TRERF1: variants seen among roughly 807,000 people sequenced by gnomAD.
TRERF1 encodes the protein transcriptional regulating factor 1, also known as transcriptional-regulating factor 1.
Under a neutral mutation model 122.9 loss-of-function variants are expected in TRERF1, and 27 were observed. That is an observed-to-expected ratio of 0.22 (90% CI 0.16 to 0.30). TRERF1 has a LOEUF of 0.30. Among genes scored for constraint, TRERF1 ranks in the 10% least tolerant of loss-of-function variants. The pLI, the probability that TRERF1 is intolerant of heterozygous loss-of-function variation, is 1.00. For synonymous variants in TRERF1, 636 were observed against 641.7 expected (o/e 0.99, Z 0.13); for missense variants, 1,248 against 1,560.3 (o/e 0.80, Z 3.37).
intron 12 of TRERF1, among the ~76,000 whole-genome samples, chr6:42,255,500 G>A (rs1395723477): frequency 2.0e-5 from 3 of 152,222 alleles, no homozygotes; most frequent in Non-Finnish European, 4.4e-5. Context: ...TCTAAGTGTG[G>A]TCCATAGAAC....
At chr6:42,399,428 G>A (rs562309022) in intron 2 of TRERF1, among the ~76,000 whole-genome samples, 30 of 152,204 alleles carry the variant, frequency 2.0e-4, no homozygotes, top group Admixed American at 3.3e-4. Flanking sequence ...ACTACCAAGC[G>A]AGGGACCTGG....
chr6:42,296,504 C>T (rs537034198), intron 4 of TRERF1, among the ~76,000 whole-genome samples: 1 of 152,300 alleles, frequency 6.6e-6, no homozygotes, highest in East Asian at 1.9e-4. Context: ...TCATTAAGTC[C>T]TTGAATAGCT....
intron 2 of TRERF1, among the ~76,000 whole-genome samples, chr6:42,405,858 A>G (rs76161235): frequency 0.016 from 2,405 of 152,090 alleles, 90 homozygotes; most frequent in East Asian, 0.15. Context: ...GCAGAAGATC[A>G]AGACAGAGAG....
chr6:42,284,186 G>C (rs1017020965), intron 4 of TRERF1, among the ~76,000 whole-genome samples: 5 of 151,666 alleles, frequency 3.3e-5, no homozygotes, highest in African/African-American at 1.2e-4. Context: ...CCTCTGACAC[G>C]CTTTTATTTT....
chr6:42,258,023 C>G, intron 10 of TRERF1, 112 bp downstream of exon 10: 2 of 917,898 alleles, frequency 2.2e-6, no homozygotes. Context: ...AACCACGATC[C>G]TACAATTTCT....
chr6:42,287,232 T>A lies in TRERF1; in HGVS notation c.-259+13406A>T, dbSNP rs1353829241. On this transcript the variant is annotated intron_variant, in intron 4 of 17. Coordinates refer to ENST00000372922, the Ensembl canonical transcript of TRERF1. Reference sequence around the variant, plus strand: ...GGGTGCAGCGCACCAGCATGGCACATGTACACATATGTAACTAACCTGCAC... The same window carrying A: ...GGGTGCAGCGCACCAGCATGGCACAAGTACACATATGTAACTAACCTGCAC... Among the ~76,000 whole-genome samples the A allele has an allele frequency of 3.3e-5, 5 of 149,268 alleles. No individual in the cohort carries two copies. The South Asian group carries it at 1.1e-3, about 32-fold the overall frequency.
At chr6:42,262,601 C>CAGAGAGAGAGAGACAGAGAGAG (rs1554134255) in intron 8 of TRERF1, among the ~76,000 whole-genome samples, 1 of 59,132 alleles carries the variant, frequency 1.7e-5, no homozygotes, top group Non-Finnish European at 3.5e-5. Context: ...GAGAGAGAGA[C>CAGAGAGAGAGAGACAGAGAGAG]AGACAGACGG....
intron 13 of TRERF1, among the ~76,000 whole-genome samples, chr6:42,254,646 A>T (rs1776397351): frequency 6.6e-6 from 1 of 151,878 alleles, no homozygotes; most frequent in African/African-American, 2.4e-5. Flanking sequence ...GTCTTGGCAC[A>T]CCCACAAGGG....
At chr6:42,402,778 T>C (rs551670299) in intron 2 of TRERF1, among the ~76,000 whole-genome samples, 1 of 152,344 alleles carries the variant, frequency 6.6e-6, no homozygotes, top group South Asian at 2.1e-4. Flanking sequence ...GATCGAATGC[T>C]GCCCTCATGG....
At chr6:42,240,934 C>G (rs1773547295) in intron 15 of TRERF1, among the ~76,000 whole-genome samples, 1 of 151,998 alleles carries the variant, frequency 6.6e-6, no homozygotes, top group Non-Finnish European at 1.5e-5. Context: ...ACTCTGTTGC[C>G]CAGGCTGGAG....
In TRERF1 at chr6:42,414,923, G is replaced by C. The variant is rs1210541338; in HGVS notation, c.-454+36254C>G. Reference sequence around the variant, plus strand: ...GTTTCTCTAGGACAGATACCTATTAGTGGAACTGCTGGGTTCTAAGAGATG... The same window carrying C: ...GTTTCTCTAGGACAGATACCTATTACTGGAACTGCTGGGTTCTAAGAGATG... On this transcript the variant is annotated intron_variant, in intron 2 of 17. Transcript: ENST00000372922. 2.6e-5 allele frequency among the ~76,000 whole-genome samples: 4 copies of C among 152,176 alleles called. No homozygotes were observed. The East Asian group carries it at 7.7e-4, about 29-fold the overall frequency.
At chr6:42,308,812 A>C (rs1056135321) in intron 3 of TRERF1, among the ~76,000 whole-genome samples, 1 of 152,168 alleles carries the variant, frequency 6.6e-6, no homozygotes, top group African/African-American at 2.4e-5. Flanking sequence ...GAGGGAGAGG[A>C]GCAGAAAAGA....
chr6:42,282,917 C>T (rs112925172), intron 4 of TRERF1, among the ~76,000 whole-genome samples: 2 of 152,132 alleles, frequency 1.3e-5, no homozygotes, highest in African/African-American at 4.8e-5. Flanking sequence ...TATGTGTCTG[C>T]TTAAAGGATA....
rs534097299 is a variant in TRERF1, at chr6:42,261,995, T to C, written c.1884+1325A>G. 1.6e-3 allele frequency among the ~76,000 whole-genome samples: 242 copies of C among 152,040 alleles called. 1 individual carries two copies. The highest frequency in any genetic ancestry group is 5.3e-3 in the African/African-American group (219 of 41,458). ...CCATCTTGAAGGGGTGGGGGGGGTG[T>C]GCCTGGGACTCTGACCCCCATGTGA... On this transcript the variant is annotated intron_variant, in intron 8 of 17. Transcript: ENST00000372922.
intron 2 of TRERF1, among the ~76,000 whole-genome samples, chr6:42,392,212 C>A (rs1486036746): frequency 6.6e-6 from 1 of 152,168 alleles, no homozygotes; most frequent in Non-Finnish European, 1.5e-5. Context: ...GGGTGTGATG[C>A]CTGCTAAATG....
At chr6:42,251,744 T>A (rs1775865265) in intron 13 of TRERF1, among the ~76,000 whole-genome samples, 1 of 152,116 alleles carries the variant, frequency 6.6e-6, no homozygotes, top group African/African-American at 2.4e-5. Flanking sequence ...ACAAGGCCTC[T>A]CCAATGGAAT....
chr6:42,439,339 T>C (rs998154914), intron 2 of TRERF1, among the ~76,000 whole-genome samples: 3 of 152,166 alleles, frequency 2.0e-5, no homozygotes, highest in Non-Finnish European at 2.9e-5. Context: ...AGCCTCATCA[T>C]CTGGCAACTG....
intron 2 of TRERF1, among the ~76,000 whole-genome samples, chr6:42,416,417 G>C (rs1781845387): frequency 6.6e-6 from 1 of 152,150 alleles, no homozygotes; most frequent in African/African-American, 2.4e-5. Flanking sequence ...GTTTTTATTA[G>C]AAACGGATGT....
exon 18 of TRERF1, chr6:42,227,098 A>C (rs1450407922): frequency 6.6e-6 from 1 of 152,280 alleles, no homozygotes; most frequent in African/African-American, 2.4e-5. Context: ...CAGGGACAGG[A>C]GGAAGCAGAG....
Sources: allele counts gnomAD v4.1 joint callset (sites outside exome capture counted in the v4.1 genomes callset), GRCh38; gene constraint gnomAD v4.1.1; transcripts MANE v1.5; gene names NCBI Gene and HGNC (gene_info 2026-07-23, HGNC 2026-07-21).